The following THSD7B variants were observed in gnomAD, a reference collection of about 807,000 sequenced individuals.
THSD7B encodes thrombospondin type 1 domain containing 7B, also known as thrombospondin type-1 domain-containing protein 7B.
In THSD7B, 138 loss-of-function variants were observed where a neutral mutation model predicts 213.6. That is an observed-to-expected ratio of 0.65 (90% confidence interval 0.56 to 0.74). The LOEUF (loss-of-function observed/expected upper bound fraction) is 0.74. THSD7B is among the 30% of genes least tolerant of loss of function. The pLI is 0.00. For synonymous variants in THSD7B, 742 were observed against 687.0 expected (o/e 1.08, Z -1.25); for missense variants, 1,931 against 1,991.5 (o/e 0.97, Z 0.58).
intron 1 of THSD7B, among the ~76,000 whole-genome samples, chr2:136,867,011 ATTCAC>A (rs1683344743): frequency 6.6e-6 from 1 of 151,784 alleles, no homozygotes; most frequent in South Asian, 2.1e-4. Context: ...TGCTTTACCT[ATTCAC>A]TTCATTCATT....
chr2:137,519,104 G>A (rs374689867), intron 15 of THSD7B, among the ~76,000 whole-genome samples: 5 of 152,042 alleles, frequency 3.3e-5, no homozygotes, highest in East Asian at 1.9e-4. Flanking sequence ...AGAATTAGCC[G>A]GGAGTGGTGT....
chr2:137,206,885 GAAATA>G (rs1362642829), intron 7 of THSD7B, among the ~76,000 whole-genome samples: 1 of 151,962 alleles, frequency 6.6e-6, no homozygotes, highest in Admixed American at 6.6e-5. Context: ...TATATTGAAA[GAAATA>G]AAAGCAATTA....
intron 12 of THSD7B, among the ~76,000 whole-genome samples, chr2:137,291,902 A>G (rs972514773): frequency 1.3e-5 from 2 of 152,128 alleles, no homozygotes; most frequent in Admixed American, 1.3e-4. Flanking sequence ...TGGGCCAAAA[A>G]TGTGGCTTCT....
intron 2 of THSD7B, among the ~76,000 whole-genome samples, chr2:136,914,762 T>A (rs1684324162): frequency 6.6e-6 from 1 of 152,132 alleles, no homozygotes; most frequent in Non-Finnish European, 1.5e-5. Context: ...CAATTAAACT[T>A]CTTTTTTTTC....
At chr2:137,079,767 C>T (rs551472298) in intron 3 of THSD7B, among the ~76,000 whole-genome samples, 34 of 152,196 alleles carry the variant, frequency 2.2e-4, no homozygotes, top group African/African-American at 2.9e-4. Context: ...ATTGTATTTA[C>T]GGTGTGTTTA....
intron 2 of THSD7B, among the ~76,000 whole-genome samples, chr2:136,969,845 T>G: frequency 6.6e-6 from 1 of 152,178 alleles, no homozygotes; most frequent in East Asian, 1.9e-4. Context: ...CAATGAGCTT[T>G]TCAGTGTTCA....
At chr2:137,075,524 G>T (rs941033293) in intron 3 of THSD7B, among the ~76,000 whole-genome samples, 1 of 151,982 alleles carries the variant, frequency 6.6e-6, no homozygotes, top group African/African-American at 2.4e-5. Context: ...CTTTCCCATT[G>T]GTTCGAATTT....
intron 15 of THSD7B, among the ~76,000 whole-genome samples, chr2:137,489,293 T>G (rs1229722552): frequency 6.6e-6 from 1 of 151,816 alleles, no homozygotes; most frequent in Non-Finnish European, 1.5e-5. Flanking sequence ...GGCGTGGTGG[T>G]GCACACCTGT....
chr2:137,596,652 T>C (rs1681962652), intron 17 of THSD7B, among the ~76,000 whole-genome samples: 1 of 151,948 alleles, frequency 6.6e-6, no homozygotes, highest in Admixed American at 6.6e-5. Flanking sequence ...CTTCTTTTAT[T>C]CTTTTTTTGT....
chr2:136,896,318 A>G (rs1386179750), intron 2 of THSD7B, among the ~76,000 whole-genome samples: 1 of 152,132 alleles, frequency 6.6e-6, no homozygotes, highest in Non-Finnish European at 1.5e-5. Context: ...GCATTTCACT[A>G]TATCTTTGAA....
intron 17 of THSD7B, among the ~76,000 whole-genome samples, chr2:137,576,931 T>C (rs1247519946): frequency 2.0e-5 from 3 of 151,970 alleles, no homozygotes; most frequent in Non-Finnish European, 2.9e-5. Flanking sequence ...GGGAAGCAAT[T>C]TATCCCAATG....
At chr2:136,941,827 C>T (rs1454484879) in intron 2 of THSD7B, among the ~76,000 whole-genome samples, 1 of 152,072 alleles carries the variant, frequency 6.6e-6, no homozygotes, top group Admixed American at 6.5e-5. Flanking sequence ...GTTTCTTTTG[C>T]TGTGCAGAAA....
intron 4 of THSD7B, among the ~76,000 whole-genome samples, chr2:137,099,170 C>T (rs1359263410): frequency 1.3e-5 from 2 of 151,962 alleles, no homozygotes; most frequent in South Asian, 2.1e-4. Context: ...CACCTTGGCT[C>T]TTGGTGTGGT....
intron 2 of THSD7B, among the ~76,000 whole-genome samples, chr2:136,968,397 G>A (rs1055983324): frequency 6.6e-6 from 1 of 151,900 alleles, no homozygotes; most frequent in African/African-American, 2.4e-5. Context: ...ATGTTTACTG[G>A]CGTTTTGGAT....
intron 2 of THSD7B, among the ~76,000 whole-genome samples, chr2:136,929,831 T>A (rs187434768): frequency 6.6e-6 from 1 of 152,190 alleles, no homozygotes; most frequent in Non-Finnish European, 1.5e-5. Flanking sequence ...TTCTGACTCC[T>A]GTGTCGCATG....
intron 2 of THSD7B, among the ~76,000 whole-genome samples, chr2:137,048,773 T>G (rs1487760987): frequency 6.6e-6 from 1 of 152,168 alleles, no homozygotes; most frequent in Non-Finnish European, 1.5e-5. Flanking sequence ...TTTATTCTCA[T>G]TTTTTTGATC....
chr2:137,018,080 A>T (rs1309194171), intron 2 of THSD7B, among the ~76,000 whole-genome samples: 4 of 150,756 alleles, frequency 2.7e-5, no homozygotes, highest in Non-Finnish European at 5.9e-5. Context: ...GTATATTGCT[A>T]TTGCTGTGTG....
chr2:137,654,155 A>G lies in THSD7B; in HGVS notation c.3946-1346A>G, dbSNP rs539851372. Among the ~76,000 whole-genome samples the G allele has an allele frequency of 1.6e-4, 24 of 152,126 alleles. No homozygotes were observed. The South Asian group carries it at 5.0e-3, about 32-fold the overall frequency. On this transcript the variant is annotated intron_variant, in intron 21 of 27. Coordinates refer to ENST00000409968, the MANE Select transcript of THSD7B (RefSeq NM_001316349.2). ...GGCCTTCTTTTTAGCACTATATAGC[A>G]TCTTGAGCCTAGGTTTGCTTTGCTT...
chr2:136,998,648 G>A (rs1279085013), intron 2 of THSD7B, among the ~76,000 whole-genome samples: 2 of 152,126 alleles, frequency 1.3e-5, no homozygotes, highest in Non-Finnish European at 2.9e-5. Flanking sequence ...AATGGAGAAT[G>A]TCCTGTTACC....
Sources: gnomAD v4.1 joint callset for allele counts (sites outside exome capture counted in the v4.1 genomes callset) on GRCh38, gnomAD v4.1.1 for gene constraint, MANE v1.5 for transcripts, NCBI Gene and HGNC (gene_info 2026-07-23, HGNC 2026-07-21) for gene names.